MEMO1: variants seen among roughly 807,000 people sequenced by gnomAD.
The protein encoded by MEMO1 is mediator of cell motility 1.
Under a neutral mutation model 45.2 loss-of-function variants are expected in MEMO1, and 6 were observed. The observed-to-expected ratio is 0.13, with a 90% confidence interval of 0.07 to 0.26. The LOEUF (loss-of-function observed/expected upper bound fraction) is 0.26, where lower values mean the gene tolerates loss of function less well. Ranked by LOEUF, MEMO1 falls within the 10% of genes least tolerant of loss-of-function variation. The pLI is 1.00. For synonymous variants in MEMO1, 78 were observed against 124.3 expected (o/e 0.63, Z 2.48); for missense variants, 184 against 370.5 (o/e 0.50, Z 4.13).
chr2:31,913,621 A>C (rs1197099603), intron 6 of MEMO1, among the ~76,000 whole-genome samples: 1 of 152,084 alleles, frequency 6.6e-6, no homozygotes, highest in Non-Finnish European at 1.5e-5. Flanking sequence ...AGTACTGAAA[A>C]TGGCAAGACA....
chr2:31,944,628 G>A (rs1665988247), intron 2 of MEMO1, among the ~76,000 whole-genome samples: 1 of 152,006 alleles, frequency 6.6e-6, no homozygotes, highest in South Asian at 2.1e-4. Context: ...CTTTCTCAAG[G>A]ATTCTGCTCC....
At chr2:31,893,373 C>A (rs961957576) in intron 6 of MEMO1, 6 of 1,124,852 alleles carry the variant, frequency 5.3e-6, no homozygotes, top group Non-Finnish European at 6.7e-6. Context: ...GCCACAGGAT[C>A]TCTTTCTCTA....
chr2:31,963,649 T>A (rs566327267), intron 2 of MEMO1, among the ~76,000 whole-genome samples: 1 of 152,258 alleles, frequency 6.6e-6, no homozygotes, highest in African/African-American at 2.4e-5. Flanking sequence ...GGTAGAAGGA[T>A]AAAATATCAC....
chr2:31,921,898 G>A (rs542985875), intron 4 of MEMO1, among the ~76,000 whole-genome samples: 2 of 152,264 alleles, frequency 1.3e-5, no homozygotes, highest in South Asian at 2.1e-4. Flanking sequence ...GAGCTAAAGT[G>A]TAGCTTAAAT....
intron 2 of MEMO1, among the ~76,000 whole-genome samples, chr2:31,995,208 T>C (rs927281440): frequency 6.6e-6 from 1 of 152,032 alleles, no homozygotes; most frequent in East Asian, 1.9e-4. Context: ...TCCCAGCACT[T>C]TGGGAGGCCG....
Position 31,918,040 on chromosome 2 carries a change from A to G in MEMO1, c.326-3T>C. 3.8e-6 allele frequency: 6 copies of G among 1,597,216 alleles called. No homozygotes were observed. Among genetic ancestry groups the G allele is most frequent in the Non-Finnish European group, 5.1e-6 (6 of 1,168,484 alleles). On this transcript the variant is annotated splice_region_variant and splice_polypyrimidine_tract_variant and intron_variant, in intron 5 of 9. Coordinates refer to ENST00000404530, the MANE Select transcript of MEMO1 (RefSeq NM_001301833.4). The stretch of plus-strand genomic sequence containing the variant: ...TGTCTTCCACAGTTCTCCGTAAACT[A>G]AAGAGATTTCAAAATACAGTAAAAT...
intron 6 of MEMO1, among the ~76,000 whole-genome samples, chr2:31,909,125 C>T (rs2148100202): frequency 6.6e-6 from 1 of 152,188 alleles, no homozygotes; most frequent in Non-Finnish European, 1.5e-5. Context: ...ATGATAAAGA[C>T]CACATATGAC....
At chr2:31,997,294 T>C (rs965983246) in intron 2 of MEMO1, among the ~76,000 whole-genome samples, 3 of 152,146 alleles carry the variant, frequency 2.0e-5, no homozygotes, top group African/African-American at 7.2e-5. Context: ...TCAAGCAACC[T>C]GAAGAAAAGA....
intron 2 of MEMO1, among the ~76,000 whole-genome samples, chr2:32,004,820 G>A (rs1185673047): frequency 2.6e-5 from 4 of 151,766 alleles, no homozygotes; most frequent in South Asian, 2.1e-4. Context: ...CCAGCTACTC[G>A]GGATGCTGAG....
At chr2:32,003,819 A>C (rs1398718231) in intron 2 of MEMO1, among the ~76,000 whole-genome samples, 1 of 152,204 alleles carries the variant, frequency 6.6e-6, no homozygotes, top group Admixed American at 6.5e-5. Flanking sequence ...TGGGAGGCCA[A>C]GGCAGGAGGA....
chr2:31,930,450 G>C (rs542426209), intron 4 of MEMO1, among the ~76,000 whole-genome samples: 5 of 151,892 alleles, frequency 3.3e-5, no homozygotes, highest in Admixed American at 6.6e-5. Flanking sequence ...CCACTTCTAT[G>C]AACATAAACT....
At chr2:31,935,802 C>G (rs940070630) in intron 3 of MEMO1, among the ~76,000 whole-genome samples, 1 of 152,234 alleles carries the variant, frequency 6.6e-6, no homozygotes, top group East Asian at 1.9e-4. Flanking sequence ...AACGTTTTAT[C>G]AAGAGATCAT....
intron 2 of MEMO1, among the ~76,000 whole-genome samples, chr2:31,968,573 A>G (rs1264578717): frequency 6.6e-6 from 1 of 152,186 alleles, no homozygotes; most frequent in East Asian, 1.9e-4. Flanking sequence ...TTGCACAAGG[A>G]CAAGTCCCCC....
chr2:31,950,651 G>A (rs1466918731), intron 2 of MEMO1, among the ~76,000 whole-genome samples: 1 of 151,480 alleles, frequency 6.6e-6, no homozygotes, highest in African/African-American at 2.4e-5. Flanking sequence ...AACCTGGGAA[G>A]CGGAGGTTGC....
chr2:31,869,447 C>T (rs1673340603), intron 9 of MEMO1, among the ~76,000 whole-genome samples: 1 of 152,034 alleles, frequency 6.6e-6, no homozygotes, highest in Non-Finnish European at 1.5e-5. Context: ...TGCTTTATTA[C>T]ATTATGAACA....
At position 31,869,968 on chromosome 2, in the gene MEMO1, AAG is replaced by A. The variant is rs774405998; in HGVS notation, c.658-18_658-17del. ...TACTCATACCCTAAAAAAAAAAAAA[AAG>A]AAGAGGAAGAAAAAAATAAAAGAAG... On this transcript the variant is annotated splice_polypyrimidine_tract_variant and intron_variant, in intron 8 of 9. Coordinates refer to ENST00000404530, the MANE Select transcript of MEMO1 (RefSeq NM_001301833.4). The A allele has an allele frequency of 5.3e-4, 746 of 1,402,914 alleles. 1 individual carries two copies. Among genetic ancestry groups the A allele is most frequent in the African/African-American group, 2.8e-3 (179 of 64,732 alleles). 86.9% of individuals were successfully genotyped at this position (1,402,914 alleles called of 1,614,324 possible). A position where few individuals can be genotyped will look rare whatever the true frequency, so the allele number is the denominator to read the frequency against.
chr2:31,976,146 T>C (rs1669975940), intron 2 of MEMO1, among the ~76,000 whole-genome samples: 1 of 152,174 alleles, frequency 6.6e-6, no homozygotes, highest in Admixed American at 6.6e-5. Flanking sequence ...AAGTATCAAA[T>C]GGGGAAGCAA....
intron 8 of MEMO1, 54 bp from the exon 9 acceptor site, chr2:31,870,006 T>G: frequency 5.5e-6 from 7 of 1,275,472 alleles, no homozygotes; most frequent in Non-Finnish European, 7.3e-6. Context: ...AAGACAATAT[T>G]TATTATTTCC....
chr2:31,987,104 T>C (rs933559527), intron 2 of MEMO1, among the ~76,000 whole-genome samples: 2 of 152,268 alleles, frequency 1.3e-5, no homozygotes, highest in South Asian at 4.1e-4. Flanking sequence ...ACTGGGCTCA[T>C]GTAATCCTCC....
Sources: allele counts gnomAD v4.1 joint callset (sites outside exome capture counted in the v4.1 genomes callset), GRCh38; gene constraint gnomAD v4.1.1; transcripts MANE v1.5; gene names NCBI Gene and HGNC (gene_info 2026-07-23, HGNC 2026-07-21).